NRG4: variants seen among roughly 807,000 people sequenced by gnomAD.
The protein encoded by NRG4 is neuregulin 4, also known as pro-neuregulin-4, membrane-bound isoform.
NRG4 carries 10 observed loss-of-function variants against 15.0 expected under a neutral mutation model. The observed-to-expected ratio is 0.67, with a 90% CI of 0.41 to 1.13. The LOEUF is 1.13. Ranked by LOEUF, NRG4 falls within the 50% of genes most tolerant of loss-of-function variation. NRG4 has a pLI of 0.00. For synonymous variants in NRG4, 41 were observed against 50.1 expected (o/e 0.82, Z 0.77); for missense variants, 139 against 140.2 (o/e 0.99, Z 0.04).
At chr15:75,971,054 A>G (rs2033067496) in intron 3 of NRG4, 1 of 254,690 alleles carries the variant, frequency 3.9e-6, no homozygotes, top group African/African-American at 2.3e-5. Context: ...TAAATTGTAG[A>G]AAACTTATGC....
At chr15:76,008,665 G>A (rs1210319534) in intron 3 of NRG4, among the ~76,000 whole-genome samples, 2 of 152,180 alleles carry the variant, frequency 1.3e-5, no homozygotes, top group Admixed American at 6.5e-5. Flanking sequence ...TACTCCCACA[G>A]TGAATTATAT....
chr15:76,051,423 G>T (rs1315217001), intron 4 of NRG4, among the ~76,000 whole-genome samples: 1 of 150,794 alleles, frequency 6.6e-6, no homozygotes, highest in Non-Finnish European at 1.5e-5. Flanking sequence ...TTATAGGCGT[G>T]AGTCACTGTG....
At chr15:76,013,050 A>G (rs1214617195), upstream of NRG4, among the ~76,000 whole-genome samples, 1 of 152,174 alleles carries the variant, frequency 6.6e-6, no homozygotes, top group Non-Finnish European at 1.5e-5. Flanking sequence ...ATGAATATAG[A>G]GTTCTTCATC....
chr15:75,989,510 G>GAA (rs753781993), intron 3 of NRG4, among the ~76,000 whole-genome samples: 1 of 146,358 alleles, frequency 6.8e-6, no homozygotes, highest in African/African-American at 2.5e-5. Flanking sequence ...TCCTTAGTCT[G>GAA]AAAAAAAAAA....
chr15:75,983,964 CTAAGT>C (rs1280794454), intron 3 of NRG4, among the ~76,000 whole-genome samples: 1 of 151,758 alleles, frequency 6.6e-6, no homozygotes, highest in Non-Finnish European at 1.5e-5. Context: ...CATCTAAATC[CTAAGT>C]TAATTTATGA....
intron 3 of NRG4, among the ~76,000 whole-genome samples, chr15:75,993,435 G>T (rs1261564443): frequency 7.3e-6 from 1 of 136,210 alleles, no homozygotes; most frequent in Non-Finnish European, 1.5e-5. Flanking sequence ...GGCTGAGCAC[G>T]AATTACATGT....
chr15:76,057,680 C>T (rs969342695), intron 1 of NRG4, among the ~76,000 whole-genome samples: 1 of 152,060 alleles, frequency 6.6e-6, no homozygotes, highest in African/African-American at 2.4e-5. Context: ...TGACTTCACA[C>T]TACAACATGA....
Position 75,955,216 on chromosome 15 carries a change from A to G in NRG4, c.331+716T>C, listed in dbSNP as rs2032165590. Among the ~76,000 whole-genome samples, 3 of 152,268 alleles carry G rather than the reference A, an allele frequency of 2.0e-5. No homozygotes were observed. The South Asian group carries it at 6.2e-4, about 32-fold the overall frequency. ...CTCTCTTTTTTCCAGGACTCTCCTCAGTACAATATAGTCACCTTGATCTTT... is the reference window on the plus strand; with the variant it reads ...CTCTCTTTTTTCCAGGACTCTCCTCGGTACAATATAGTCACCTTGATCTTT... On this transcript the variant is annotated intron_variant, in intron 5 of 5. Transcript: ENST00000394907.
intron 5 of NRG4, among the ~76,000 whole-genome samples, chr15:76,025,219 C>T (rs1359057015): frequency 6.6e-6 from 1 of 151,524 alleles, no homozygotes; most frequent in Non-Finnish European, 1.5e-5. Flanking sequence ...GCAGGTGGAT[C>T]GCGAGGTCAG....
At chr15:76,038,919 T>G (rs2141951130) in intron 4 of NRG4, among the ~76,000 whole-genome samples, 1 of 152,266 alleles carries the variant, frequency 6.6e-6, no homozygotes, top group Non-Finnish European at 1.5e-5. Context: ...ACAGAGAAAC[T>G]CCATTTGTTT....
chr15:76,021,136 A>G (rs1401341486), intron 5 of NRG4, among the ~76,000 whole-genome samples: 1 of 152,206 alleles, frequency 6.6e-6, no homozygotes, highest in Non-Finnish European at 1.5e-5. Context: ...CATTCTGAAA[A>G]TCCTAGGGCC....
At chr15:75,990,414 T>C (rs1199626142) in intron 3 of NRG4, among the ~76,000 whole-genome samples, 3 of 152,268 alleles carry the variant, frequency 2.0e-5, no homozygotes, top group African/African-American at 2.4e-5. Context: ...CCCGGAAGAT[T>C]AGAGGGATCT....
intron 4 of NRG4, among the ~76,000 whole-genome samples, chr15:76,047,006 GAACA>G (rs2035883597): frequency 1.3e-5 from 2 of 150,744 alleles, no homozygotes; most frequent in Admixed American, 6.6e-5. Flanking sequence ...CAAAAGACTT[GAACA>G]GACATTTCTC....
chr15:75,938,440 T>C (rs2030594394), downstream of NRG4: 1 of 152,068 alleles, frequency 6.6e-6, no homozygotes, highest in South Asian at 2.1e-4. Flanking sequence ...AGATCAAAAT[T>C]AATTGACCTT....
At chr15:75,963,809 T>A (rs1242727166) in intron 3 of NRG4, among the ~76,000 whole-genome samples, 1 of 147,890 alleles carries the variant, frequency 6.8e-6, no homozygotes, top group African/African-American at 2.5e-5. Context: ...TAGCCAAGCA[T>A]GGTTGTACCC....
chr15:76,009,126 T>C, intron 3 of NRG4, 74 bp downstream of exon 3: 1 of 795,692 alleles, frequency 1.3e-6, no homozygotes, highest in Non-Finnish European at 2.3e-6. Context: ...TTGTTTACTT[T>C]TTATCACTTC....
rs925612966 is a variant in NRG4, at chr15:75,943,509, A to C, written c.*129T>G. On this transcript the variant is annotated 3_prime_UTR_variant, in exon 6 of 6. Coordinates refer to ENST00000394907, the MANE Select transcript of NRG4 (RefSeq NM_138573.4). ...CTTGCAGCAGAATGGATTATGGTTC[A>C]TGATACGAGTTACACAAGCGTTTTA... The C allele has an allele frequency of 4.7e-5, 31 of 655,326 alleles. No homozygotes were observed. In the African/African-American group the frequency reaches 5.5e-4, roughly 12 times the overall value. The allele number at this position is 655,326 out of a possible 1,614,324, so 40.6% of individuals were successfully genotyped here.
At chr15:75,937,104 G>A (rs1012837948), downstream of NRG4, 8 of 151,676 alleles carry the variant, frequency 5.3e-5, no homozygotes, top group African/African-American at 1.9e-4. Flanking sequence ...CTCTATTCAA[G>A]GTCTTGTAAT....
intron 5 of NRG4, among the ~76,000 whole-genome samples, chr15:76,023,122 C>T (rs2035205751): frequency 7.0e-6 from 1 of 143,598 alleles, no homozygotes; most frequent in Non-Finnish European, 1.5e-5. Context: ...ACACCTGGCA[C>T]CCATACTCCA....
Sources: allele counts gnomAD v4.1 joint callset (sites outside exome capture counted in the v4.1 genomes callset), GRCh38; gene constraint gnomAD v4.1.1; transcripts MANE v1.5; gene names NCBI Gene and HGNC (gene_info 2026-07-23, HGNC 2026-07-21).